The following AOAH variants were observed in gnomAD, a reference collection of about 807,000 sequenced individuals.
AOAH encodes the protein acyloxyacyl hydrolase.
Under a neutral mutation model 92.2 loss-of-function variants are expected in AOAH, and 64 were observed. The observed-to-expected ratio is 0.69, with a 90% confidence interval of 0.57 to 0.86. The LOEUF is 0.86. Among genes scored for constraint, AOAH ranks in the 40% least tolerant of loss-of-function variants. The pLI is 0.00. For missense variants in AOAH, 656 were observed against 694.6 expected, an observed-to-expected ratio of 0.94 and a Z score of 0.62; for synonymous variants, 263 against 254.5, an observed-to-expected ratio of 1.03 and a Z score of -0.32.
chr7:36,607,835 C>A (rs1379994227), intron 11 of AOAH, among the ~76,000 whole-genome samples: 1 of 152,094 alleles, frequency 6.6e-6, no homozygotes, highest in Non-Finnish European at 1.5e-5. Flanking sequence ...GGTGTGATTG[C>A]CTCTAGCCGG....
intron 13 of AOAH, among the ~76,000 whole-genome samples, chr7:36,563,449 C>T (rs1038133875): frequency 6.6e-6 from 1 of 152,170 alleles, no homozygotes. Flanking sequence ...CCTCACTGCT[C>T]ATTTGGTGGT....
intron 16 of AOAH, among the ~76,000 whole-genome samples, chr7:36,534,448 A>G (rs1299750740): frequency 6.6e-6 from 1 of 152,214 alleles, no homozygotes; most frequent in Non-Finnish European, 1.5e-5. Flanking sequence ...GAAAGTTGCA[A>G]TGAATCAGTG....
chr7:36,532,559 A>G (rs1214205277), intron 16 of AOAH, among the ~76,000 whole-genome samples: 1 of 151,996 alleles, frequency 6.6e-6, no homozygotes, highest in East Asian at 1.9e-4. Flanking sequence ...GCCCTGAGGA[A>G]CTCACTGCCA....
chr7:36,585,375 AG>A (rs1206365653), intron 12 of AOAH, among the ~76,000 whole-genome samples: 3 of 152,194 alleles, frequency 2.0e-5, no homozygotes, highest in Non-Finnish European at 4.4e-5. Flanking sequence ...AGTATTGGCA[AG>A]GGTGTGGGAA....
At chr7:36,548,871 A>G (rs1437866143) in intron 14 of AOAH, among the ~76,000 whole-genome samples, 185 bp from the exon 15 acceptor site, 1 of 152,170 alleles carries the variant, frequency 6.6e-6, no homozygotes, top group Non-Finnish European at 1.5e-5. Flanking sequence ...CTCTATAATC[A>G]TTATCCCACT....
intron 6 of AOAH, among the ~76,000 whole-genome samples, chr7:36,630,756 A>C (rs565013158): frequency 4.4e-4 from 67 of 152,318 alleles, no homozygotes; most frequent in Non-Finnish European, 8.1e-4. Flanking sequence ...AAGTGGCCCA[A>C]GTTCTCAAAG....
chr7:36,547,400 T>C (rs985903008), intron 15 of AOAH, among the ~76,000 whole-genome samples: 1 of 152,246 alleles, frequency 6.6e-6, no homozygotes, highest in African/African-American at 2.4e-5. Context: ...GAATTTTATC[T>C]GTGCGGGCAA....
chr7:36,518,500 C>T (rs570547980), intron 20 of AOAH, among the ~76,000 whole-genome samples: 3 of 152,276 alleles, frequency 2.0e-5, no homozygotes, highest in Non-Finnish European at 2.9e-5. Flanking sequence ...GTCCTCAGTA[C>T]GGGAGGATGG....
intron 11 of AOAH, among the ~76,000 whole-genome samples, chr7:36,595,131 C>A (rs1442597542): frequency 6.6e-6 from 1 of 152,104 alleles, no homozygotes; most frequent in Non-Finnish European, 1.5e-5. Flanking sequence ...TCATTTTACT[C>A]CTTTTATGAG....
At chr7:36,591,770 C>T (rs890597482) in intron 12 of AOAH, among the ~76,000 whole-genome samples, 3 of 152,102 alleles carry the variant, frequency 2.0e-5, no homozygotes, top group Admixed American at 6.5e-5. Context: ...AATGACTGAA[C>T]AGAGTCTGTT....
intron 2 of AOAH, among the ~76,000 whole-genome samples, chr7:36,681,047 C>T (rs914475026): frequency 2.6e-5 from 4 of 152,084 alleles, no homozygotes; most frequent in Non-Finnish European, 2.9e-5. Flanking sequence ...GATTTTTAGT[C>T]GGTCGTTCAC....
chr7:36,657,278 C>A (rs1794949410), intron 4 of AOAH, among the ~76,000 whole-genome samples: 1 of 152,132 alleles, frequency 6.6e-6, no homozygotes, highest in Admixed American at 6.5e-5. Flanking sequence ...GGGGTGTGAA[C>A]CCAGTTCTGT....
chr7:36,667,817 C>T (rs1216328877), intron 3 of AOAH, among the ~76,000 whole-genome samples: 1 of 152,192 alleles, frequency 6.6e-6, no homozygotes. Flanking sequence ...ATCCCTTTAT[C>T]CCTGATAACT....
chr7:36,627,378 A>C (rs182024288), intron 6 of AOAH, among the ~76,000 whole-genome samples: 56 of 152,270 alleles, frequency 3.7e-4, no homozygotes, highest in Non-Finnish European at 6.6e-4. Flanking sequence ...GAATTCTTTC[A>C]ACGTAGCTCC....
In AOAH at chr7:36,532,379, C is replaced by T. The variant is rs371927028; in HGVS notation, c.1307-35G>A. 21 of 1,607,190 alleles carry T rather than the reference C, an allele frequency of 1.3e-5. No homozygotes were observed. The African/African-American group carries it at 2.4e-4, about 18-fold the overall frequency. On this transcript the variant is annotated intron_variant, in intron 16 of 20. Coordinates refer to ENST00000617537, the MANE Select transcript of AOAH (RefSeq NM_001637.4). ...AGAGAGGTCTGGTAGATTGCATCCA[C>T]TCGGCAATAGCAGCATTTAGAGGCA...
intron 11 of AOAH, chr7:36,599,733 G>A (rs1357433723): frequency 1.3e-5 from 2 of 152,140 alleles, no homozygotes; most frequent in African/African-American, 4.8e-5. Flanking sequence ...CAAAGACAAG[G>A]GCTACCTGCT....
intron 1 of AOAH, among the ~76,000 whole-genome samples, chr7:36,698,804 C>T (rs1227826619): frequency 6.6e-6 from 1 of 151,960 alleles, no homozygotes; most frequent in Non-Finnish European, 1.5e-5. Context: ...TTTATTTGTG[C>T]TAGAAACATT....
intron 1 of AOAH, among the ~76,000 whole-genome samples, chr7:36,696,002 A>G (rs1435381511): frequency 2.0e-5 from 3 of 152,270 alleles, no homozygotes; most frequent in East Asian, 1.9e-4. Context: ...TTTTTTACAT[A>G]TAGAATCCCA....
At chr7:36,579,569 A>T (rs1420006764) in intron 12 of AOAH, among the ~76,000 whole-genome samples, 1 of 151,672 alleles carries the variant, frequency 6.6e-6, no homozygotes, top group Admixed American at 6.5e-5. Context: ...ACAAGGTCCC[A>T]TAATAGGCTG....
Sources: allele counts gnomAD v4.1 joint callset (sites outside exome capture counted in the v4.1 genomes callset), GRCh38; gene constraint gnomAD v4.1.1; transcripts MANE v1.5; gene names NCBI Gene and HGNC (gene_info 2026-07-23, HGNC 2026-07-21).